Variants in GAPVD1 observed in about 807,000 individuals in gnomAD.
GAPVD1 encodes GTPase activating protein and VPS9 domains 1, also known as GTPase-activating protein and VPS9 domain-containing protein 1.
In GAPVD1, 35 loss-of-function variants were observed where a neutral mutation model predicts 155.5. The ratio of observed to expected loss-of-function variants is 0.23; its 90% confidence interval spans 0.17 to 0.30. GAPVD1 has a LOEUF of 0.30. Ranked by LOEUF, GAPVD1 falls within the 10% of genes least tolerant of loss-of-function variation. GAPVD1 has a pLI of 1.00. For missense variants in GAPVD1, 1,429 were observed against 1,775.7 expected (o/e 0.80, Z 3.51); for synonymous variants, 636 against 619.7 (o/e 1.03, Z -0.39).
chr9:125,274,464 T>C (rs994331722), intron 2 of GAPVD1, among the ~76,000 whole-genome samples: 2 of 140,842 alleles, frequency 1.4e-5, no homozygotes, highest in African/African-American at 2.6e-5. Flanking sequence ...CGCTTTGTAC[T>C]TTTTTTTTTT....
chr9:125,350,220 T>C, intron 21 of GAPVD1, 75 bp from the exon 22 acceptor site: 1 of 858,510 alleles, frequency 1.2e-6, no homozygotes. Flanking sequence ...GTAACATTAA[T>C]TTATATAGTA....
At chr9:125,303,764 G>A (rs1280733868) in intron 5 of GAPVD1, among the ~76,000 whole-genome samples, 3 of 115,698 alleles carry the variant, frequency 2.6e-5, no homozygotes, top group African/African-American at 7.9e-5. Flanking sequence ...CAACAAGAGC[G>A]AAACTCCGTC....
intron 2 of GAPVD1, among the ~76,000 whole-genome samples, chr9:125,293,843 A>T (rs1371262698): frequency 2.6e-5 from 2 of 76,186 alleles, no homozygotes; most frequent in African/African-American, 1.2e-4. Context: ...ATATATATAA[A>T]AATATATTTT....
At chr9:125,330,016 C>T in intron 12 of GAPVD1, 62 bp from the exon 13 acceptor site, 1 of 1,405,622 alleles carries the variant, frequency 7.1e-7, no homozygotes, top group Admixed American at 2.2e-5. Flanking sequence ...GGCTTTTCTC[C>T]ACTATCACTG....
chr9:125,336,927 A>G, intron 15 of GAPVD1, 91 bp from the exon 16 acceptor site: 2 of 707,484 alleles, frequency 2.8e-6, no homozygotes, highest in Non-Finnish European at 5.0e-6. Flanking sequence ...CAAAAAAGGA[A>G]CCGTCAAAGA....
rs1040092573 is a variant in GAPVD1, at chr9:125,362,795, A to C, written c.*49A>C. ...AGCAGACTGTTAATCAGACAAACAG[A>C]TCTCTGAGAAGGTGCATCAGCTGCT... On this transcript the variant is annotated 3_prime_UTR_variant, in exon 28 of 28. Transcript: ENST00000297933. 2.5e-6 allele frequency: 4 copies of C among 1,572,404 alleles called. No homozygotes were observed. In the Admixed American group the frequency reaches 5.2e-5, roughly 21 times the overall value.
intron 2 of GAPVD1, among the ~76,000 whole-genome samples, chr9:125,271,546 TA>T (rs1834920508): frequency 6.6e-6 from 1 of 152,100 alleles, no homozygotes. Context: ...TAGATTAACT[TA>T]TTTTTTTATT....
In GAPVD1 at chr9:125,308,195, C is replaced by G. The variant is rs1842142335; in HGVS notation, c.1441+315C>G. 1.5e-5 allele frequency: 6 copies of G among 409,430 alleles called. No homozygotes were observed. In the South Asian group the frequency reaches 2.1e-4, roughly 15 times the overall value. 25.4% of individuals were successfully genotyped at this position (409,430 alleles called of 1,614,324 possible). On this transcript the variant is annotated intron_variant, in intron 8 of 27. Transcript: ENST00000297933. The stretch of plus-strand genomic sequence containing the variant: ...GTAGTCATCTTTAAAACTATGTAGC[C>G]CTCAGCCTGGTGTGGTGGCACGTGC...
At chr9:125,338,929 T>TTGTGTGTGTG (rs144909106) in intron 17 of GAPVD1, among the ~76,000 whole-genome samples, 37 of 146,730 alleles carry the variant, frequency 2.5e-4, no homozygotes, top group East Asian at 1.2e-3. Flanking sequence ...TTAAAAAAAT[T>TTGTGTGTGTG]TGTGTGTGTG....
At chr9:125,313,316 T>G (rs535492389) in intron 9 of GAPVD1, among the ~76,000 whole-genome samples, 1 of 150,910 alleles carries the variant, frequency 6.6e-6, no homozygotes, top group Non-Finnish European at 1.5e-5. Flanking sequence ...TCTTTTTTTT[T>G]TTTTTGAGAC....
intron 1 of GAPVD1, among the ~76,000 whole-genome samples, chr9:125,267,835 G>T (rs188674641): frequency 2.0e-5 from 3 of 152,200 alleles, no homozygotes; most frequent in East Asian, 3.9e-4. Flanking sequence ...GATTACAGGC[G>T]TGAGCCACTA....
Position 125,261,857 on chromosome 9 carries a change from G to GGCGGCA in GAPVD1, c.-295_-290dup, listed in dbSNP as rs1444076098. Reference sequence around the variant, plus strand: ...AAGCCAACAGGCGAGTGGCGAAGGTGGCGGCAGCGGCGGCGGGGGCAGTCA... The same window carrying GGCGGCA: ...AAGCCAACAGGCGAGTGGCGAAGGTGGCGGCAGCGGCAGCGGCGGCGGGGGCAGTCA... On this transcript the variant is annotated 5_prime_UTR_variant, in exon 1 of 28. Coordinates refer to ENST00000297933, the MANE Select transcript of GAPVD1 (RefSeq NM_001282680.3). 4 of 153,310 alleles carry GGCGGCA rather than the reference G, an allele frequency of 2.6e-5. No individual in the cohort carries two copies. Among genetic ancestry groups the GGCGGCA allele is most frequent in the African/African-American group, 7.2e-5 (3 of 41,594 alleles). The allele number at this position is 153,310 out of a possible 1,614,324, so 9.5% of individuals were successfully genotyped here. A position where few individuals can be genotyped will look rare whatever the true frequency, so the allele number is the denominator to read the frequency against.
intron 20 of GAPVD1, among the ~76,000 whole-genome samples, chr9:125,348,232 A>G (rs1273428428): frequency 6.6e-6 from 1 of 151,936 alleles, no homozygotes; most frequent in Non-Finnish European, 1.5e-5. Flanking sequence ...ACTTTTGTAT[A>G]TTTTTGTAGA....
At chr9:125,339,459 G>T (rs1025220757) in intron 17 of GAPVD1, among the ~76,000 whole-genome samples, 1 of 152,206 alleles carries the variant, frequency 6.6e-6, no homozygotes, top group Non-Finnish European at 1.5e-5. Context: ...GTTATAGGCG[G>T]ATACTGTACT....
Position 125,330,153 on chromosome 9 carries a change from C to G in GAPVD1, c.2108C>G (p.Thr703Ser). The G allele has an allele frequency of 6.2e-7, 1 of 1,612,466 alleles. No homozygotes were observed. The highest frequency in any genetic ancestry group is 8.5e-7 in the Non-Finnish European group (1 of 1,178,576). The change falls in exon 13 of 28, where the codon ACT (threonine) becomes AGT (serine). Residue 703 changes from threonine to serine, a missense_variant. By Grantham distance (58) the Thr-to-Ser change is moderately conservative. Around this residue, in one of 4 missense-constraint regions of GAPVD1, gnomAD observed 699 missense variants for 826.0 expected, o/e 0.85. Coordinates refer to ENST00000297933, the MANE Select transcript of GAPVD1 (RefSeq NM_001282680.3). Reference protein sequence around the residue: ...GSGSVLLDPCTGSTISETTSE... With the variant: ...GSGSVLLDPCSGSTISETTSE... ...GGGTCAGTGCTTCTTGACCCCTGCA[C>G]TGGTTCTACCATATCAGAGACAACA...
intron 5 of GAPVD1, among the ~76,000 whole-genome samples, chr9:125,303,136 T>A (rs1039085173): frequency 6.6e-6 from 1 of 152,084 alleles, no homozygotes; most frequent in Non-Finnish European, 1.5e-5. Context: ...GCAATTCTCC[T>A]GCTTCAGCCT....
At chr9:125,323,739 T>A in intron 10 of GAPVD1, 59 bp from the exon 11 acceptor site, 1 of 1,572,220 alleles carries the variant, frequency 6.4e-7, no homozygotes, top group Non-Finnish European at 8.7e-7. Flanking sequence ...GCATGAAAAA[T>A]TGTGTGGTGG....
intron 2 of GAPVD1, among the ~76,000 whole-genome samples, chr9:125,282,595 A>G (rs571434102): frequency 4.8e-4 from 73 of 152,298 alleles, no homozygotes; most frequent in Admixed American, 1.2e-3. Flanking sequence ...TATGTGATGG[A>G]TATGGCGTCT....
intron 19 of GAPVD1, among the ~76,000 whole-genome samples, chr9:125,345,677 G>A (rs10986717): frequency 0.017 from 2,547 of 152,222 alleles, 113 homozygotes; most frequent in East Asian, 0.088. Context: ...TCTTGATTTC[G>A]TCTTCTGTAA....
Sources: gnomAD v4.1 joint callset for allele counts (sites outside exome capture counted in the v4.1 genomes callset) on GRCh38, gnomAD v4.1.1 for gene constraint, gnomAD v4.1.1 regional missense constraint, MANE v1.5 for transcripts, NCBI Gene and HGNC (gene_info 2026-07-23, HGNC 2026-07-21) for gene names.